The following PHF21A variants were observed in gnomAD, a reference collection of about 807,000 sequenced individuals.
PHF21A encodes the protein PHD finger protein 21A.
PHF21A carries 11 observed loss-of-function variants against 82.5 expected under a neutral mutation model. That is an observed-to-expected ratio of 0.13 (90% CI 0.08 to 0.22). The LOEUF (loss-of-function observed/expected upper bound fraction) is 0.22, where lower values mean the gene tolerates loss of function less well. PHF21A is among the 10% of genes least tolerant of loss of function. The pLI, the probability that PHF21A is intolerant of heterozygous loss-of-function variation, is 1.00. For missense variants in PHF21A, 579 were observed against 837.8 expected (o/e 0.69, Z 3.81); for synonymous variants, 297 against 302.8 (o/e 0.98, Z 0.20).
intron 6 of PHF21A, among the ~76,000 whole-genome samples, chr11:45,989,875 G>A (rs544329798): frequency 1.9e-4 from 28 of 151,056 alleles, no homozygotes; most frequent in Admixed American, 7.9e-4. Context: ...GGCATACACC[G>A]GCAGTATCAG....
At chr11:46,062,250 TTG>T (rs1350919962) in intron 6 of PHF21A, among the ~76,000 whole-genome samples, 2 of 152,262 alleles carry the variant, frequency 1.3e-5, no homozygotes, top group South Asian at 4.1e-4. Flanking sequence ...TGCCCTTCGG[TTG>T]TGGGACATTT....
At chr11:45,950,423 G>T (rs922310739) in intron 11 of PHF21A, among the ~76,000 whole-genome samples, 166 bp from the exon 12 acceptor site, 1 of 152,096 alleles carries the variant, frequency 6.6e-6, no homozygotes, top group African/African-American at 2.4e-5. Context: ...TACAGCAGGG[G>T]TGTCCAAGCT....
At chr11:46,010,329 A>G (rs1308281129) in intron 6 of PHF21A, among the ~76,000 whole-genome samples, 1 of 152,248 alleles carries the variant, frequency 6.6e-6, no homozygotes, top group Non-Finnish European at 1.5e-5. Flanking sequence ...ACAGTTAACA[A>G]AGGCTTTTCT....
intron 6 of PHF21A, among the ~76,000 whole-genome samples, chr11:46,001,206 G>A (rs948430149): frequency 6.6e-6 from 1 of 151,780 alleles, no homozygotes; most frequent in African/African-American, 2.4e-5. Flanking sequence ...TTAAAGCCAT[G>A]TATGGTTCTG....
intron 11 of PHF21A, among the ~76,000 whole-genome samples, chr11:45,953,191 G>A (rs1591164341): frequency 1.3e-5 from 2 of 152,324 alleles, no homozygotes; most frequent in East Asian, 3.9e-4. Context: ...ACAGAACACA[G>A]TAATGATTAG....
Position 45,965,437 on chromosome 11 carries a change from T to A in PHF21A, c.874A>T (p.Thr292Ser). 6.2e-7 allele frequency: 1 copy of A among 1,614,068 alleles called. No homozygotes were observed. The highest frequency in any genetic ancestry group is 8.5e-7 in the Non-Finnish European group (1 of 1,180,016). The change falls in exon 10 of 19, where the codon ACT becomes TCT. Residue 292 changes from threonine (T) to serine (S), a missense_variant. By Grantham distance (58) the Thr-to-Ser change is moderately conservative. This residue lies in a region of PHF21A where 410 missense variants were observed against 642.1 expected (regional missense o/e 0.64). Coordinates refer to ENST00000676320, the MANE Select transcript of PHF21A (RefSeq NM_001352027.3). ...IHPVRVVNGQ[T>S]ATIAKTFPMA... ...GGGAACGTTTTGGCTATGGTTGCAG[T>A]CTGCCCATTGACGACACGGACGGGG...
At chr11:46,015,497 A>G (rs1297127649) in intron 6 of PHF21A, among the ~76,000 whole-genome samples, 2 of 152,108 alleles carry the variant, frequency 1.3e-5, no homozygotes, top group African/African-American at 2.4e-5. Context: ...TATTTCTTCA[A>G]TAATAAATTA....
At chr11:45,934,905 G>A (rs1054950831) in intron 18 of PHF21A, 1 of 372,892 alleles carries the variant, frequency 2.7e-6, no homozygotes. Context: ...GGTAGGTATG[G>A]TGAGGAGGAG....
At chr11:46,033,830 ATG>A (rs2095921817) in intron 6 of PHF21A, among the ~76,000 whole-genome samples, 1 of 152,168 alleles carries the variant, frequency 6.6e-6, no homozygotes, top group Admixed American at 6.5e-5. Context: ...TTAATTACAT[ATG>A]TGTTTTCTGT....
At chr11:46,097,227 G>T (rs758354504) in intron 1 of PHF21A, among the ~76,000 whole-genome samples, 2 of 152,096 alleles carry the variant, frequency 1.3e-5, no homozygotes, top group African/African-American at 2.4e-5. Flanking sequence ...ATCCAAGACA[G>T]ATCTTGTTAC....
intron 6 of PHF21A, among the ~76,000 whole-genome samples, chr11:46,001,362 A>G (rs1327382393): frequency 6.6e-6 from 1 of 151,116 alleles, no homozygotes; most frequent in Non-Finnish European, 1.5e-5. Context: ...ACTGTTATCA[A>G]CAAATTTCTA....
At chr11:45,991,763 T>C (rs1262252058) in intron 6 of PHF21A, among the ~76,000 whole-genome samples, 2 of 152,202 alleles carry the variant, frequency 1.3e-5, no homozygotes, top group African/African-American at 4.8e-5. Flanking sequence ...AATTATCTTC[T>C]ATTAAAATTT....
intron 6 of PHF21A, among the ~76,000 whole-genome samples, chr11:46,047,356 G>A (rs1035175046): frequency 9.2e-5 from 14 of 152,062 alleles, no homozygotes; most frequent in Admixed American, 6.5e-4. Flanking sequence ...ACTCCTTGAT[G>A]GTTTATCATG....
At chr11:45,990,827 T>C (rs2094673626) in intron 6 of PHF21A, among the ~76,000 whole-genome samples, 1 of 151,904 alleles carries the variant, frequency 6.6e-6, no homozygotes, top group South Asian at 2.1e-4. Flanking sequence ...ATCTCCCCAC[T>C]ATCAACAAGC....
intron 6 of PHF21A, among the ~76,000 whole-genome samples, chr11:45,989,489 C>G (rs1176240453): frequency 3.9e-3 from 22 of 5,582 alleles, no homozygotes; most frequent in Non-Finnish European, 1.1e-3. Flanking sequence ...CCCATCTCTA[C>G]TAAAAAAAAA....
chr11:46,098,724 C>T (rs988078561), intron 1 of PHF21A, among the ~76,000 whole-genome samples: 10 of 151,790 alleles, frequency 6.6e-5, no homozygotes, highest in Non-Finnish European at 1.3e-4. Flanking sequence ...TCATTAACAA[C>T]AAAAAAACAA....
intron 1 of PHF21A, among the ~76,000 whole-genome samples, chr11:46,102,517 C>G (rs998786244): frequency 1.1e-4 from 17 of 152,262 alleles, no homozygotes; most frequent in African/African-American, 3.9e-4. Flanking sequence ...AATATTTTAG[C>G]AATTCACAAC....
At chr11:45,988,099 C>A (rs914643598) in intron 6 of PHF21A, among the ~76,000 whole-genome samples, 1 of 152,214 alleles carries the variant, frequency 6.6e-6, no homozygotes. Flanking sequence ...TTTTATGGAA[C>A]ACTGCTCAGA....
rs1290903979 is a variant in PHF21A at position 45,950,193 on chromosome 11, T to C, written c.1147+13A>G. ...CCAGAAAAAAAGGCAGTGCCAAGAATATCTTCTCTTACCTTCTAGATGGTC... is the reference window on the plus strand; with the variant it reads ...CCAGAAAAAAAGGCAGTGCCAAGAACATCTTCTCTTACCTTCTAGATGGTC... On this transcript the variant is annotated intron_variant, in intron 12 of 18. Transcript: ENST00000676320. 2 of 1,588,680 alleles carry C rather than the reference T, an allele frequency of 1.3e-6. No homozygotes were observed. The highest frequency in any genetic ancestry group is 2.7e-5 in the African/African-American group (2 of 74,110).
Sources: allele counts gnomAD v4.1 joint callset (sites outside exome capture counted in the v4.1 genomes callset), GRCh38; gene constraint gnomAD v4.1.1; regional missense constraint gnomAD v4.1.1; transcripts MANE v1.5; gene names NCBI Gene and HGNC (gene_info 2026-07-23, HGNC 2026-07-21).